The following DCAF17 variants were observed in gnomAD, a reference collection of about 807,000 sequenced individuals.
DCAF17 encodes the protein DDB1- and CUL4-associated factor 17.
Under a neutral mutation model 66.0 loss-of-function variants are expected in DCAF17, and 48 were observed. That is an observed-to-expected ratio of 0.73 (90% confidence interval 0.58 to 0.92). The LOEUF (loss-of-function observed/expected upper bound fraction) is 0.92. DCAF17 is among the 40% of genes least tolerant of loss of function. The pLI is 0.00. For missense variants in DCAF17, 562 were observed against 622.8 expected, an observed-to-expected ratio of 0.90 and a Z score of 1.04; for synonymous variants, 206 against 214.6, an observed-to-expected ratio of 0.96 and a Z score of 0.35.
intron 8 of DCAF17, among the ~76,000 whole-genome samples, chr2:171,459,661 A>G (rs1396653945): frequency 6.6e-6 from 1 of 152,328 alleles, no homozygotes; most frequent in African/African-American, 2.4e-5. Flanking sequence ...TTTCCTTAAC[A>G]TTGTATTAGT....
At chr2:171,460,549 G>T (rs1037359687) in intron 8 of DCAF17, among the ~76,000 whole-genome samples, 1 of 119,952 alleles carries the variant, frequency 8.3e-6, no homozygotes, top group South Asian at 3.2e-4. Context: ...TATTAATTTT[G>T]AGACAGGGTC....
chr2:171,447,355 ACTTT>A (rs1000199277), intron 3 of DCAF17: 8 of 351,030 alleles, frequency 2.3e-5, no homozygotes, highest in African/African-American at 9.2e-5. Flanking sequence ...GCCTCTCTTT[ACTTT>A]CTTTCTTTCT....
intron 8 of DCAF17, among the ~76,000 whole-genome samples, chr2:171,458,779 C>G (rs1048708688): frequency 6.6e-6 from 1 of 152,086 alleles, no homozygotes; most frequent in African/African-American, 2.4e-5. Context: ...GCAAATGATA[C>G]CATCTTAGCT....
intron 10 of DCAF17, chr2:171,474,395 T>C: frequency 5.0e-6 from 1 of 198,720 alleles, no homozygotes; most frequent in South Asian, 9.2e-5. Flanking sequence ...CAAACTGACC[T>C]CTCCTTCCCT....
rs760059288 is a variant in DCAF17 at position 171,458,398 on chromosome 2, G to A, written c.759G>A (p.Gly253=). The change falls in exon 8 of 14, where the codon GGG becomes GGA. Residue 253 remains glycine (G), a synonymous_variant. Transcript: ENST00000375255. Reference sequence around the variant, plus strand: ...TCATGCAACAGAAACTTGACTTAGGGTGTGCATGCAGATGGGGTGGGACTA... The same window carrying A: ...TCATGCAACAGAAACTTGACTTAGGATGTGCATGCAGATGGGGTGGGACTA... ...EQFMQQKLDL[G]CACRWGGTTG... is the part of the protein sequence containing the mutation. 27 of 1,613,812 alleles carry A rather than the reference G, an allele frequency of 1.7e-5. No homozygotes were observed. The highest frequency in any genetic ancestry group is 2.2e-5 in the Non-Finnish European group (26 of 1,179,960).
chr2:171,461,934 C>A (rs1423886081), intron 8 of DCAF17, among the ~76,000 whole-genome samples: 1 of 152,066 alleles, frequency 6.6e-6, no homozygotes, highest in East Asian at 1.9e-4. Flanking sequence ...GGTTTGGCTT[C>A]TTTCACTCAG....
rs747394245 is a variant in DCAF17, at chr2:171,469,262, G to GT, written c.981+239dup. Among the ~76,000 whole-genome samples the GT allele has an allele frequency of 2.6e-5, 4 of 152,238 alleles. No homozygotes were observed. The East Asian group carries it at 5.8e-4, about 22-fold the overall frequency. On this transcript the variant is annotated intron_variant, in intron 9 of 13. Transcript: ENST00000375255. The stretch of plus-strand genomic sequence containing the variant: ...TTCTTATAGCAACAAGAATTTTATA[G>GT]TTTTTTTAATCTCACCAATCTCCCA...
chr2:171,471,687 T>G (rs962345897), intron 9 of DCAF17, among the ~76,000 whole-genome samples: 3 of 152,158 alleles, frequency 2.0e-5, no homozygotes, highest in African/African-American at 7.2e-5. Flanking sequence ...ATTAATTGAT[T>G]TGATACATAA....
At chr2:171,446,387 A>G (rs890309279) in intron 3 of DCAF17, among the ~76,000 whole-genome samples, 17 of 152,108 alleles carry the variant, frequency 1.1e-4, no homozygotes, top group African/African-American at 4.1e-4. Flanking sequence ...CTCTACTAAA[A>G]ATACAAAAAT....
At chr2:171,468,799 G>T in intron 8 of DCAF17, 89 bp from the exon 9 acceptor site, 1 of 1,494,168 alleles carries the variant, frequency 6.7e-7, no homozygotes, top group Non-Finnish European at 9.3e-7. Context: ...TATAGATGTT[G>T]CATGCAAAGA....
At chr2:171,452,249 G>T (rs1299154720) in intron 5 of DCAF17, among the ~76,000 whole-genome samples, 2 of 152,074 alleles carry the variant, frequency 1.3e-5, no homozygotes, top group Non-Finnish European at 2.9e-5. Flanking sequence ...GGGGCAGACA[G>T]CTTTGCCTAA....
At chr2:171,469,137 A>G in intron 9 of DCAF17, 107 bp downstream of exon 9, 2 of 1,280,314 alleles carry the variant, frequency 1.6e-6, no homozygotes, top group Admixed American at 1.8e-5. Context: ...GTGCATTTGT[A>G]TTAACAATTT....
At position 171,434,547 on chromosome 2, in the gene DCAF17, C is replaced by T. The variant is rs1169216444; in HGVS notation, c.-31C>T. 9 of 1,524,154 alleles carry T rather than the reference C, an allele frequency of 5.9e-6. No individual in the cohort carries two copies. In the Admixed American group the frequency reaches 5.9e-5, roughly 10 times the overall value. 94.4% of individuals were successfully genotyped at this position (1,524,154 alleles called of 1,614,324 possible). On this transcript the variant is annotated 5_prime_UTR_variant, in exon 1 of 14. Transcript: ENST00000375255. Reference sequence around the variant, plus strand: ...AGTGTGGGGCGCGCCACTCGGCGGCCCAGCCTACCCAGGGCCCGGCCCGCG... The same window carrying T: ...AGTGTGGGGCGCGCCACTCGGCGGCTCAGCCTACCCAGGGCCCGGCCCGCG...
chr2:171,440,855 C>A (rs1694266267), intron 2 of DCAF17, among the ~76,000 whole-genome samples: 1 of 152,178 alleles, frequency 6.6e-6, no homozygotes, highest in Non-Finnish European at 1.5e-5. Context: ...GACCTGAATT[C>A]TCTGATGGAT....
At chr2:171,480,252 T>C (rs993961733) in intron 13 of DCAF17, 59 bp downstream of exon 13, 1 of 1,586,812 alleles carries the variant, frequency 6.3e-7, no homozygotes, top group African/African-American at 1.3e-5. Flanking sequence ...TGCCATTTAT[T>C]AGAACAGATG....
At chr2:171,464,173 TA>T (rs1695757091) in intron 8 of DCAF17, among the ~76,000 whole-genome samples, 1 of 152,186 alleles carries the variant, frequency 6.6e-6, no homozygotes, top group African/African-American at 2.4e-5. Context: ...CTATTTCTGA[TA>T]GGGGGCCATT....
intron 10 of DCAF17, among the ~76,000 whole-genome samples, chr2:171,475,525 G>A (rs2105806519): frequency 6.6e-6 from 1 of 152,250 alleles, no homozygotes; most frequent in South Asian, 2.1e-4. Flanking sequence ...TGCACTTTGG[G>A]AGGCCGAAGC....
At chr2:171,477,897 G>GT in intron 11 of DCAF17, 90 bp from the exon 12 acceptor site, 1 of 1,075,470 alleles carries the variant, frequency 9.3e-7, no homozygotes, top group Non-Finnish European at 1.4e-6. Flanking sequence ...AGAAGGGTTG[G>GT]TAAGTTTTAC....
chr2:171,460,017 T>G (rs1695482560), intron 8 of DCAF17, among the ~76,000 whole-genome samples: 1 of 152,136 alleles, frequency 6.6e-6, no homozygotes. Flanking sequence ...TTTTTCTTGT[T>G]GAAATGCAAA....
Sources: gnomAD v4.1 joint callset for allele counts (sites outside exome capture counted in the v4.1 genomes callset) on GRCh38, gnomAD v4.1.1 for gene constraint, MANE v1.5 for transcripts, NCBI Gene and HGNC (gene_info 2026-07-23, HGNC 2026-07-21) for gene names.